Variants in ZBTB48 observed in about 807,000 individuals in gnomAD.
ZBTB48 encodes the protein zinc finger and BTB domain-containing protein 48.
Under a neutral mutation model 64.5 loss-of-function variants are expected in ZBTB48, and 35 were observed. The ratio of observed to expected loss-of-function variants is 0.54; its 90% confidence interval spans 0.41 to 0.72. The LOEUF (loss-of-function observed/expected upper bound fraction) is 0.72, where lower values mean the gene tolerates loss of function less well. Ranked by LOEUF, ZBTB48 falls within the 30% of genes least tolerant of loss-of-function variation. The pLI is 0.00. For synonymous variants in ZBTB48, 442 were observed against 356.7 expected, an observed-to-expected ratio of 1.24 and a Z score of -2.70; for missense variants, 828 against 895.3, an observed-to-expected ratio of 0.92 and a Z score of 0.96.
intron 4 of ZBTB48, chr1:6,586,465 G>C: frequency 1.1e-6 from 1 of 869,780 alleles, no homozygotes; most frequent in Non-Finnish European, 1.6e-6. Context: ...GAGGCCACTC[G>C]GACCCTGCCC....
chr1:6,586,447 C>A, intron 4 of ZBTB48: 1 of 699,644 alleles, frequency 1.4e-6, no homozygotes, highest in East Asian at 3.1e-5. Flanking sequence ...GGGCCAGGGA[C>A]TGTGGGTGAG....
In ZBTB48 at chr1:6,587,388, CG is replaced by C. The variant is rs903699485; in HGVS notation, c.1225-83del. On this transcript the variant is annotated intron_variant, in intron 6 of 10. Transcript: ENST00000377674. ...AGCCGGCCATGTACTTTCTGTTGTT[CG>C]GGGGGGTGCTTGTGGGTCTCCCAGG... 12 of 1,606,612 alleles carry C rather than the reference CG, an allele frequency of 7.5e-6. No homozygotes were observed. The African/African-American group carries it at 1.1e-4, about 14-fold the overall frequency.
intron 3 of ZBTB48, 44 bp downstream of exon 3, chr1:6,582,343 C>G (rs1372620318): frequency 6.3e-7 from 1 of 1,591,048 alleles, no homozygotes; most frequent in South Asian, 1.1e-5. Context: ...TCTGCCATTC[C>G]CACGTTGGGG....
In ZBTB48 at chr1:6,588,746, C is replaced by T. The variant is rs1640770786; in HGVS notation, c.1682-10C>T. On this transcript the variant is annotated splice_polypyrimidine_tract_variant and intron_variant, in intron 9 of 10. Transcript: ENST00000377674. ...CTGCATGATCCCCCACGGTGTTCTC[C>T]CTCTTGCAGCCGTGGAGCAACTGCG... is the stretch of plus-strand genomic sequence containing the variant. The T allele has an allele frequency of 6.2e-7, 1 of 1,613,960 alleles. No homozygotes were observed. Among genetic ancestry groups the T allele is most frequent in the Non-Finnish European group, 8.5e-7 (1 of 1,180,032 alleles).
At position 6,580,188 on chromosome 1, in the gene ZBTB48, C is replaced by T. The variant is rs1640377318; in HGVS notation, c.-70+52C>T. 5.1e-6 allele frequency: 1 copy of T among 195,570 alleles called. No homozygotes were observed. The allele number at this position is 195,570 out of a possible 1,614,324, so 12.1% of individuals were successfully genotyped here. A position where few individuals can be genotyped will look rare whatever the true frequency, so the allele number is the denominator to read the frequency against. On this transcript the variant is annotated intron_variant, in intron 1 of 10. Transcript: ENST00000377674. This position sits in a 1 kb window ranked among gnomAD's most constrained non-coding sequence, Gnocchi z 5.2. Reference sequence around the variant, plus strand: ...GAGGGGCTGCGGGCCGCCGTGGCTGCCTTCCGCTCGGCCGCTCGGGACCTG... The same window carrying T: ...GAGGGGCTGCGGGCCGCCGTGGCTGTCTTCCGCTCGGCCGCTCGGGACCTG...
In ZBTB48 at chr1:6,584,173, C is replaced by G. The variant is rs531297229; in HGVS notation, c.933-1746C>G. On this transcript the variant is annotated intron_variant, in intron 3 of 10. Coordinates refer to ENST00000377674, the MANE Select transcript of ZBTB48 (RefSeq NM_005341.4). This position sits in a 1 kb window ranked among gnomAD's most constrained non-coding sequence, Gnocchi z 4.5. ...TTGCGATCCACCTGCCTTAGCTTCC[C>G]AAAGTGCTGGGATTACAGGCGAGAG... 6.6e-6 allele frequency among the ~76,000 whole-genome samples: 1 copy of G among 152,298 alleles called. No individual in the cohort carries two copies. Among genetic ancestry groups the G allele is most frequent in the East Asian group, 1.9e-4 (1 of 5,190 alleles).
Position 6,586,676 on chromosome 1 carries a change from T to C in ZBTB48, c.1045-19T>C, listed in dbSNP as rs777052556. 1 of 1,527,286 alleles carries C rather than the reference T, an allele frequency of 6.5e-7. No homozygotes were observed. Among genetic ancestry groups the C allele is most frequent in the Non-Finnish European group, 8.8e-7 (1 of 1,137,150 alleles). The allele number at this position is 1,527,286 out of a possible 1,614,324, so 94.6% of individuals were successfully genotyped here. The stretch of plus-strand genomic sequence containing the variant: ...AGGCCCCCGCTGATGCCGGCCCTGC[T>C]TGCCCCTCACACTGCCAGGTCTTCA... On this transcript the variant is annotated intron_variant, in intron 4 of 10. Transcript: ENST00000377674.
In ZBTB48 at chr1:6,581,223, A is replaced by G. The variant is rs1048377632; in HGVS notation, c.614A>G (p.Lys205Arg). ...QALKPCPLED[K>R]KPEDCKVPPR... The stretch of plus-strand genomic sequence containing the variant: ...TTGAAGCCTTGTCCCCTTGAGGACA[A>G]GAAACCCGAGGACTGCAAAGTGCCC... The change falls in exon 2 of 11, where the codon AAG (lysine) becomes AGG (arginine). Residue 205 changes from lysine (K) to arginine (R), a missense_variant. Lys to Arg is a conservative substitution (Grantham distance 26). Coordinates refer to ENST00000377674, the MANE Select transcript of ZBTB48 (RefSeq NM_005341.4). 1.2e-6 allele frequency: 2 copies of G among 1,613,056 alleles called. No homozygotes were observed. Among genetic ancestry groups the G allele is most frequent in the Admixed American group, 1.7e-5 (1 of 59,988 alleles).
In ZBTB48 at chr1:6,584,072, G is replaced by A. The variant is rs1024339153; in HGVS notation, c.932+1773G>A. ...GCTGGGATTACAGGCGTGAGCCACC[G>A]TGCCCAGCCATTTTTTTACTTTTTA... On this transcript the variant is annotated intron_variant, in intron 3 of 10. Coordinates refer to ENST00000377674, the MANE Select transcript of ZBTB48 (RefSeq NM_005341.4). This position sits in a 1 kb window ranked among gnomAD's most constrained non-coding sequence, Gnocchi z 4.5. Among the ~76,000 whole-genome samples the A allele has an allele frequency of 5.3e-5, 8 of 151,746 alleles. No homozygotes were observed. In the East Asian group the frequency reaches 1.2e-3, roughly 22 times the overall value.
intron 3 of ZBTB48, among the ~76,000 whole-genome samples, chr1:6,583,824 G>A (rs1179361459): frequency 1.4e-5 from 2 of 147,272 alleles, no homozygotes; most frequent in Non-Finnish European, 3.0e-5. Context: ...CTGTCGCCCA[G>A]GCTGGAGTGT....
At chr1:6,586,622 G>T in intron 4 of ZBTB48, 73 bp from the exon 5 acceptor site, 1 of 1,358,560 alleles carries the variant, frequency 7.4e-7, no homozygotes. Context: ...GCAAGCGGAA[G>T]CCCGGGCAGA....
Position 6,589,153 on chromosome 1 carries a change from G to A in ZBTB48, c.2008G>A (p.Gly670Ser), listed in dbSNP as rs150829982. 3.2e-6 allele frequency: 5 copies of A among 1,574,968 alleles called. No homozygotes were observed. The African/African-American group carries it at 5.5e-5, about 17-fold the overall frequency. The change falls in exon 11 of 11, where the codon GGT becomes AGT. Residue 670 changes from glycine (G) to serine (S), a missense_variant. Gly to Ser is a moderately conservative substitution (Grantham distance 56). Transcript: ENST00000377674. ...LCAEESFTGP[G>S]VLEPSLIITA... Reference sequence around the variant, plus strand: ...TGCAGAGGAGAGCTTCACCGGCCCAGGTGTCCTGGAGCCCTCCCTCATCAT... The same window carrying A: ...TGCAGAGGAGAGCTTCACCGGCCCAAGTGTCCTGGAGCCCTCCCTCATCAT...
intron 4 of ZBTB48, 59 bp from the exon 5 acceptor site, chr1:6,586,636 T>TGCTGTCATAGGCAGAGGCC: frequency 2.1e-6 from 3 of 1,447,134 alleles, no homozygotes; most frequent in Non-Finnish European, 2.7e-6. Flanking sequence ...GGGCAGAGGC[T>TGCTGTCATAGGCAGAGGCC]GCTGTCATAG....
intron 4 of ZBTB48, chr1:6,586,347 G>T: frequency 2.0e-6 from 1 of 496,112 alleles, no homozygotes; most frequent in Non-Finnish European, 3.6e-6. Flanking sequence ...AGGCCCCCTG[G>T]CCACCCCCAG....
intron 3 of ZBTB48, among the ~76,000 whole-genome samples, chr1:6,582,644 C>CTGAAGCCTGGCAGTGTGGGCT (rs1006432759): frequency 3.3e-5 from 5 of 152,196 alleles, no homozygotes; most frequent in East Asian, 1.9e-4. Flanking sequence ...TTAGGTGTTT[C>CTGAAGCCTGGCAGTGTGGGCT]TGAAGCCTGG....
chr1:6,586,113 G>A, intron 4 of ZBTB48, 83 bp downstream of exon 4: 1 of 1,369,540 alleles, frequency 7.3e-7, no homozygotes, highest in Non-Finnish European at 1.0e-6. Context: ...GGCCCCAGGA[G>A]ACTGTCTGAG....
intron 4 of ZBTB48, 141 bp from the exon 5 acceptor site, chr1:6,586,554 T>C: frequency 7.1e-7 from 1 of 1,417,098 alleles, no homozygotes; most frequent in Non-Finnish European, 9.2e-7. Context: ...AGGCAGGTTA[T>C]GTGTTGCCCT....
chr1:6,582,033 C>G, intron 2 of ZBTB48, 25 bp from the exon 3 acceptor site: 1 of 1,606,478 alleles, frequency 6.2e-7, no homozygotes, highest in Middle Eastern at 1.7e-4. Flanking sequence ...GACGCCACCC[C>G]CTCCTGCTGC....
Position 6,580,919 on chromosome 1 carries a change from G to A in ZBTB48, c.310G>A (p.Val104Met). Residue 104 changes from valine (V) to methionine (M), a missense_variant, in exon 2 of 11, where the codon GTG becomes ATG. Val to Met is a conservative substitution (Grantham distance 21). Coordinates refer to ENST00000377674, the MANE Select transcript of ZBTB48 (RefSeq NM_005341.4). The surrounding 1 kb of genome is among the most constrained non-coding windows in gnomAD (Gnocchi z 5.2). ...GCTCCTGGCAGCCAGGGAGTTGCGA[G>A]TGCCAGAGGCCGTAGAGCTGTGCCA... ...QVLLAARELR[V>M]PEAVELCQSF... is the part of the protein sequence containing the mutation. The A allele has an allele frequency of 6.2e-7, 1 of 1,614,090 alleles. No individual in the cohort carries two copies. The highest frequency in any genetic ancestry group is 8.5e-7 in the Non-Finnish European group (1 of 1,180,050).
Sources: gnomAD v4.1 joint callset for allele counts (sites outside exome capture counted in the v4.1 genomes callset) on GRCh38, gnomAD v4.1.1 for gene constraint, Gnocchi (gnomAD v3.1) non-coding constraint, MANE v1.5 for transcripts, NCBI Gene and HGNC (gene_info 2026-07-23, HGNC 2026-07-21) for gene names.